ZNF525: variants seen among roughly 807,000 people sequenced by gnomAD.
The protein encoded by ZNF525 is zinc finger protein 525.
ZNF525 carries 33 observed loss-of-function variants against 37.6 expected under a neutral mutation model. The ratio of observed to expected loss-of-function variants is 0.88; its 90% CI spans 0.67 to 1.17. The LOEUF is 1.17. Ranked by LOEUF, ZNF525 falls within the 50% of genes most tolerant of loss-of-function variation. The pLI is 0.00. For synonymous variants in ZNF525, 170 were observed against 182.3 expected (o/e 0.93, Z 0.54); for missense variants, 449 against 543.1 (o/e 0.83, Z 1.72).
rs2085601492 is a variant in ZNF525 at position 53,385,770 on chromosome 19, C to T, written c.*3751C>T. On this transcript the variant is annotated 3_prime_UTR_variant, in exon 4 of 4. Coordinates refer to ENST00000474037, the MANE Select transcript of ZNF525 (RefSeq NM_001348156.2). ...TATAAAAAGGTTATGGGGACAATGC[C>T]CAAAAGAAATAAACAGTTTGTAAAC... The T allele has an allele frequency of 6.4e-6, 1 of 155,192 alleles. No homozygotes were observed. The highest frequency in any genetic ancestry group is 2.4e-5 in the African/African-American group (1 of 41,306). 9.6% of individuals were successfully genotyped at this position (155,192 alleles called of 1,614,324 possible). A position where few individuals can be genotyped will look rare whatever the true frequency, so the allele number is the denominator to read the frequency against.
At position 53,383,502 on chromosome 19, in the gene ZNF525, A is replaced by G; in HGVS notation, c.*1483A>G. On this transcript the variant is annotated 3_prime_UTR_variant, in exon 4 of 4. Coordinates refer to ENST00000474037, the MANE Select transcript of ZNF525 (RefSeq NM_001348156.2). ...CATAAAAATGTAAGAGTTTTTGACA[A>G]GGCTTTCGGACGTGATTCACACCTG... 1 of 1,159,888 alleles carries G rather than the reference A, an allele frequency of 8.6e-7. No individual in the cohort carries two copies. The highest frequency in any genetic ancestry group is 1.2e-6 in the Non-Finnish European group (1 of 809,868). The allele number at this position is 1,159,888 out of a possible 1,614,324, so 71.8% of individuals were successfully genotyped here. A position where few individuals can be genotyped will look rare whatever the true frequency, so the allele number is the denominator to read the frequency against.
In ZNF525 at chr19:53,379,847, C is replaced by T. The variant is rs10407100; in HGVS notation, c.143-875C>T. Among the ~76,000 whole-genome samples, 973 of 152,112 alleles carry T rather than the reference C, an allele frequency of 6.4e-3. 9 individuals carry two copies. Among genetic ancestry groups the T allele is most frequent in the African/African-American group, 0.022 (910 of 41,520 alleles). Reference sequence around the variant, plus strand: ...TGTAACCCTATCTCTACTAAAAATACAAAAATTAGCCAAGCATGCTGGCAT... The same window carrying T: ...TGTAACCCTATCTCTACTAAAAATATAAAAATTAGCCAAGCATGCTGGCAT... On this transcript the variant is annotated intron_variant, in intron 3 of 3. Coordinates refer to ENST00000474037, the MANE Select transcript of ZNF525 (RefSeq NM_001348156.2).
intron 1 of ZNF525, among the ~76,000 whole-genome samples, chr19:53,371,167 T>A (rs2085485124): frequency 6.6e-6 from 1 of 151,724 alleles, no homozygotes; most frequent in Non-Finnish European, 1.5e-5. Flanking sequence ...ACTCAGGTTT[T>A]ATTATCTCTG....
Position 53,381,491 on chromosome 19 carries a change from T to A in ZNF525, c.912T>A (p.Cys304Ter). 7.3e-7 allele frequency: 1 copy of A among 1,374,282 alleles called. No homozygotes were observed. The highest frequency in any genetic ancestry group is 1.7e-5 in the Admixed American group (1 of 59,724). 85.1% of individuals were successfully genotyped at this position (1,374,282 alleles called of 1,614,324 possible). ...AGAAACCTTACAAATGTGAAGAATG[T>A]GACAAAGCTTTCAGACACAATTCAG... ...TGEKPYKCEE[C>*]DKAFRHNSAL... The change falls in exon 4 of 4, where the codon TGT (cysteine) becomes TGA (stop). Residue 304 changes from cysteine to a stop codon, truncating the protein, a stop_gained. Transcript: ENST00000474037. LOFTEE classifies it high-confidence loss of function.
chr19:53,371,198 C>CTTTTT (rs1243106422), intron 1 of ZNF525, among the ~76,000 whole-genome samples: 1 of 123,594 alleles, frequency 8.1e-6, no homozygotes, highest in African/African-American at 2.9e-5. Context: ...ATCAGAAACG[C>CTTTTT]TTTTTTTTTT....
Position 53,382,461 on chromosome 19 carries a change from C to G in ZNF525, c.*442C>G, listed in dbSNP as rs2085573888. ...GTCATGCCTTACACGCCATCATAGA[C>G]TTCATACTGGAAATAAATCTTATAA... is the stretch of plus-strand genomic sequence containing the variant. On this transcript the variant is annotated 3_prime_UTR_variant, in exon 4 of 4. Coordinates refer to ENST00000474037, the MANE Select transcript of ZNF525 (RefSeq NM_001348156.2). 3 of 735,770 alleles carry G rather than the reference C, an allele frequency of 4.1e-6. No individual in the cohort carries two copies. The highest frequency in any genetic ancestry group is 1.7e-5 in the African/African-American group (1 of 57,638). 45.6% of individuals were successfully genotyped at this position (735,770 alleles called of 1,614,324 possible). A position where few individuals can be genotyped will look rare whatever the true frequency, so the allele number is the denominator to read the frequency against.
At chr19:53,376,509 C>T in intron 3 of ZNF525, 1 of 584,588 alleles carries the variant, frequency 1.7e-6, no homozygotes, top group Middle Eastern at 4.5e-4. Context: ...TCTTCATTCT[C>T]CATTTCCTGC....
At chr19:53,376,552 C>T (rs556297991) in intron 3 of ZNF525, 10 of 543,300 alleles carry the variant, frequency 1.8e-5, no homozygotes, top group East Asian at 6.3e-5. Context: ...TGTGTAGACA[C>T]GCTTTGACTC....
chr19:53,383,357 C>T lies in ZNF525; in HGVS notation c.*1338C>T, dbSNP rs189981481. 3.8e-5 allele frequency: 46 copies of T among 1,205,928 alleles called. No homozygotes were observed. The African/African-American group carries it at 5.5e-4, about 14-fold the overall frequency. The allele number at this position is 1,205,928 out of a possible 1,614,324, so 74.7% of individuals were successfully genotyped here. ...GCGAGGTTTTCAATCAACAAGCACA[C>T]GTTGCACGTCATCATAGAATTCATA... On this transcript the variant is annotated 3_prime_UTR_variant, in exon 4 of 4. Coordinates refer to ENST00000474037, the MANE Select transcript of ZNF525 (RefSeq NM_001348156.2).
chr19:53,374,720 A>T (rs1290110976), intron 2 of ZNF525, among the ~76,000 whole-genome samples: 20 of 152,230 alleles, frequency 1.3e-4, no homozygotes, highest in Non-Finnish European at 2.9e-4. Flanking sequence ...ACAAATGTAT[A>T]TATTTTGAAC....
At chr19:53,376,249 C>T in intron 3 of ZNF525, 1 of 705,334 alleles carries the variant, frequency 1.4e-6, no homozygotes. Context: ...TAACTATTGG[C>T]TTTTGTTTTT....
chr19:53,373,842 A>G (rs2147067505), intron 2 of ZNF525, among the ~76,000 whole-genome samples: 1 of 151,804 alleles, frequency 6.6e-6, no homozygotes, highest in East Asian at 1.9e-4. Flanking sequence ...AATAGTTTTT[A>G]TATTTATGTT....
chr19:53,375,674 A>T (rs2085516386), intron 2 of ZNF525, 96 bp from the exon 3 acceptor site: 3 of 1,611,592 alleles, frequency 1.9e-6, no homozygotes, highest in Non-Finnish European at 2.5e-6. Context: ...ATTCACTGCA[A>T]TTAAATCCAT....
In ZNF525 at chr19:53,381,305, A is replaced by G; in HGVS notation, c.726A>G (p.Gln242=). 6.7e-7 allele frequency: 1 copy of G among 1,484,280 alleles called. No individual in the cohort carries two copies. The highest frequency in any genetic ancestry group is 1.1e-5 in the South Asian group (1 of 88,446). The allele number at this position is 1,484,280 out of a possible 1,614,324, so 91.9% of individuals were successfully genotyped here. ...KHQIIHLGEK[Q]YKCDVCDKVF... ...AGATTATTCATCTAGGAGAGAAACA[A>G]TATAAATGTGATGTATGTGACAAGG... The change falls in exon 4 of 4, where the codon CAA becomes CAG. Residue 242 remains glutamine, a synonymous_variant. Coordinates refer to ENST00000474037, the MANE Select transcript of ZNF525 (RefSeq NM_001348156.2).
chr19:53,373,948 T>G (rs2085504704), intron 2 of ZNF525, among the ~76,000 whole-genome samples: 1 of 152,192 alleles, frequency 6.6e-6, no homozygotes, highest in African/African-American at 2.4e-5. Flanking sequence ...CACTCTGGTA[T>G]TAAGCCCAAC....
chr19:53,375,396 C>A (rs1398131654), intron 2 of ZNF525, among the ~76,000 whole-genome samples: 1 of 152,036 alleles, frequency 6.6e-6, no homozygotes, highest in Non-Finnish European at 1.5e-5. Flanking sequence ...ACAAACCTGG[C>A]CAGTATGGTG....
Position 53,382,928 on chromosome 19 carries a change from A to G in ZNF525, c.*909A>G, listed in dbSNP as rs868775341. The G allele has an allele frequency of 6.1e-6, 9 of 1,471,026 alleles. No individual in the cohort carries two copies. The Middle Eastern group carries it at 1.4e-3, about 233-fold the overall frequency. 91.1% of individuals were successfully genotyped at this position (1,471,026 alleles called of 1,614,324 possible). A position where few individuals can be genotyped will look rare whatever the true frequency, so the allele number is the denominator to read the frequency against. Reference sequence around the variant, plus strand: ...GTGTAATGAGTGTGGTAAGATGTTCAGTCAAAATTCGGCCCTTGTAATTCA... The same window carrying G: ...GTGTAATGAGTGTGGTAAGATGTTCGGTCAAAATTCGGCCCTTGTAATTCA... On this transcript the variant is annotated 3_prime_UTR_variant, in exon 4 of 4. Coordinates refer to ENST00000474037, the MANE Select transcript of ZNF525 (RefSeq NM_001348156.2).
chr19:53,373,416 T>A (rs945486044), intron 2 of ZNF525, among the ~76,000 whole-genome samples: 8 of 152,078 alleles, frequency 5.3e-5, no homozygotes, highest in African/African-American at 1.9e-4. Flanking sequence ...ATTAAATATA[T>A]ATGTTTATAT....
Position 53,385,767 on chromosome 19 carries a change from T to C in ZNF525, c.*3748T>C, listed in dbSNP as rs1369239248. The C allele has an allele frequency of 6.4e-6, 1 of 155,682 alleles. No individual in the cohort carries two copies. The highest frequency in any genetic ancestry group is 1.4e-5 in the Non-Finnish European group (1 of 70,402). The allele number at this position is 155,682 out of a possible 1,614,324, so 9.6% of individuals were successfully genotyped here. A position where few individuals can be genotyped will look rare whatever the true frequency, so the allele number is the denominator to read the frequency against. ...CTTTATAAAAAGGTTATGGGGACAA[T>C]GCCCAAAAGAAATAAACAGTTTGTA... On this transcript the variant is annotated 3_prime_UTR_variant, in exon 4 of 4. Coordinates refer to ENST00000474037, the MANE Select transcript of ZNF525 (RefSeq NM_001348156.2).
Sources: allele counts gnomAD v4.1 joint callset (sites outside exome capture counted in the v4.1 genomes callset), GRCh38; gene constraint gnomAD v4.1.1; transcripts MANE v1.5; gene names NCBI Gene and HGNC (gene_info 2026-07-23, HGNC 2026-07-21).